Variants in ADARB2 observed in about 807,000 individuals in gnomAD.
ADARB2 encodes inactive double-stranded RNA-specific editase B2.
ADARB2 carries 25 observed loss-of-function variants against 62.2 expected under a neutral mutation model. The observed-to-expected ratio is 0.40, with a 90% CI of 0.29 to 0.56. The LOEUF (loss-of-function observed/expected upper bound fraction) is 0.56, where lower values mean the gene tolerates loss of function less well. Ranked by LOEUF, ADARB2 falls within the 20% of genes least tolerant of loss-of-function variation. The pLI is 0.43. For synonymous variants in ADARB2, 572 were observed against 500.8 expected, an observed-to-expected ratio of 1.14 and a Z score of -1.90; for missense variants, 1,071 against 1,077.4, an observed-to-expected ratio of 0.99 and a Z score of 0.08.
chr10:1,685,830 C>T (rs1012697072), intron 1 of ADARB2, among the ~76,000 whole-genome samples: 2 of 152,154 alleles, frequency 1.3e-5, no homozygotes, highest in African/African-American at 4.8e-5. Flanking sequence ...GCACTTGTGC[C>T]CCATGGGGCT....
chr10:1,680,899 A>G (rs1259255790), intron 1 of ADARB2, among the ~76,000 whole-genome samples: 1 of 152,236 alleles, frequency 6.6e-6, no homozygotes, highest in Non-Finnish European at 1.5e-5. Context: ...CAGGGGACTG[A>G]ATCCTCATCA....
intron 3 of ADARB2, among the ~76,000 whole-genome samples, chr10:1,354,171 C>T (rs1832172046): frequency 6.6e-6 from 1 of 152,114 alleles, no homozygotes; most frequent in Non-Finnish European, 1.5e-5. Context: ...CGCCCCAATA[C>T]TTTACCACTA....
At chr10:1,457,035 C>T (rs1564294466) in intron 1 of ADARB2, among the ~76,000 whole-genome samples, 1 of 145,796 alleles carries the variant, frequency 6.9e-6, no homozygotes, top group African/African-American at 2.5e-5. Flanking sequence ...GCTGGGATTA[C>T]AGGTGTGAAC....
intron 6 of ADARB2, among the ~76,000 whole-genome samples, chr10:1,232,520 G>C (rs1199631769): frequency 6.6e-6 from 1 of 151,952 alleles, no homozygotes; most frequent in African/African-American, 2.4e-5. Flanking sequence ...TATGTGCTGT[G>C]TGTGATGTGT....
chr10:1,648,877 A>C (rs1016991670), intron 1 of ADARB2, among the ~76,000 whole-genome samples: 1 of 152,156 alleles, frequency 6.6e-6, no homozygotes, highest in Non-Finnish European at 1.5e-5. Context: ...CTAGCTCCTC[A>C]TCTTACAAGG....
chr10:1,290,365 C>G (rs1012568718), intron 3 of ADARB2: 27 of 152,320 alleles, frequency 1.8e-4, no homozygotes, highest in African/African-American at 6.5e-4. Flanking sequence ...GGCCTCCCTC[C>G]TGGTCGGCGG....
intron 1 of ADARB2, among the ~76,000 whole-genome samples, chr10:1,413,176 TTGAGCAGTTGTTG>T (rs2131880438): frequency 6.6e-6 from 1 of 152,244 alleles, no homozygotes; most frequent in African/African-American, 2.4e-5. Flanking sequence ...TAGGAACCAC[TTGAGCAGTTGTTG>T]TATGGTGAGG....
chr10:1,198,764 C>T (rs1836943506), intron 8 of ADARB2, among the ~76,000 whole-genome samples: 2 of 152,224 alleles, frequency 1.3e-5, no homozygotes, highest in Admixed American at 1.3e-4. Flanking sequence ...TAGGATTGGA[C>T]ATTCCTGTTT....
intron 1 of ADARB2, among the ~76,000 whole-genome samples, chr10:1,404,524 G>A (rs532135300): frequency 2.0e-3 from 302 of 152,344 alleles, no homozygotes; most frequent in Admixed American, 3.5e-3. Flanking sequence ...CCTGAAAAAA[G>A]TGTGTCATTG....
intron 3 of ADARB2, among the ~76,000 whole-genome samples, chr10:1,331,472 A>G (rs184354770): frequency 6.6e-6 from 1 of 152,350 alleles, no homozygotes; most frequent in Admixed American, 6.5e-5. Context: ...AAAGACACCA[A>G]ACTTAGAGAA....
At chr10:1,476,418 A>C (rs1435382329) in intron 1 of ADARB2, among the ~76,000 whole-genome samples, 1 of 152,198 alleles carries the variant, frequency 6.6e-6, no homozygotes, top group South Asian at 2.1e-4. Context: ...GGTTGCTTTC[A>C]GTGTCCTGCG....
At chr10:1,185,501 AAAAC>A (rs1469285879) in intron 8 of ADARB2, among the ~76,000 whole-genome samples, 235 of 149,932 alleles carry the variant, frequency 1.6e-3, no homozygotes, top group African/African-American at 5.8e-3. Context: ...TGAGAAAAAC[AAAAC>A]AAAACAAAAC....
At chr10:1,224,964 G>A (rs961244798) in intron 6 of ADARB2, among the ~76,000 whole-genome samples, 1 of 152,078 alleles carries the variant, frequency 6.6e-6, no homozygotes, top group Non-Finnish European at 1.5e-5. Flanking sequence ...TAATTCCTGG[G>A]TATCCTTGTT....
chr10:1,584,458 G>A, intron 1 of ADARB2, among the ~76,000 whole-genome samples: 1 of 152,226 alleles, frequency 6.6e-6, no homozygotes, highest in African/African-American at 2.4e-5. Context: ...TGGTGAGGAT[G>A]TGGAGCAGCA....
chr10:1,367,935 C>A (rs1233987403), intron 2 of ADARB2, among the ~76,000 whole-genome samples: 1 of 152,210 alleles, frequency 6.6e-6, no homozygotes, highest in South Asian at 2.1e-4. Flanking sequence ...GGTATAAGAG[C>A]CTCTTTCATA....
intron 1 of ADARB2, among the ~76,000 whole-genome samples, chr10:1,516,970 G>T (rs1054055202): frequency 6.6e-6 from 1 of 152,202 alleles, no homozygotes; most frequent in African/African-American, 2.4e-5. Context: ...AAGGGATGGC[G>T]TTTCCCCCAC....
rs556617879 is a variant in ADARB2, at chr10:1,570,141, G to T, written c.100+166910C>A. Among the ~76,000 whole-genome samples the T allele has an allele frequency of 1.3e-3, 193 of 152,230 alleles. 2 individuals are homozygous for T. Among genetic ancestry groups the T allele is most frequent in the Non-Finnish European group, 9.3e-4 (63 of 68,026 alleles). On this transcript the variant is annotated intron_variant, in intron 1 of 9. Coordinates refer to ENST00000381312, the MANE Select transcript of ADARB2 (RefSeq NM_018702.4). Reference sequence around the variant, plus strand: ...CTTAAAACTTCAGTATAATTTAGAAGATGTTAAATGCATCCACTTATGACA... The same window carrying T: ...CTTAAAACTTCAGTATAATTTAGAATATGTTAAATGCATCCACTTATGACA...
intron 1 of ADARB2, among the ~76,000 whole-genome samples, chr10:1,732,865 A>C (rs936553131): frequency 6.6e-6 from 1 of 152,210 alleles, no homozygotes; most frequent in Non-Finnish European, 1.5e-5. Flanking sequence ...TGCTCGACTT[A>C]TTTTGTTCCT....
chr10:1,339,097 C>T (rs995131117), intron 3 of ADARB2, among the ~76,000 whole-genome samples: 1 of 152,242 alleles, frequency 6.6e-6, no homozygotes, highest in East Asian at 1.9e-4. Flanking sequence ...GGTTTCTCCT[C>T]CCTGGACCCC....
Sources: gnomAD v4.1 joint callset for allele counts (sites outside exome capture counted in the v4.1 genomes callset) on GRCh38, gnomAD v4.1.1 for gene constraint, MANE v1.5 for transcripts, NCBI Gene and HGNC (gene_info 2026-07-23, HGNC 2026-07-21) for gene names.